The following OAS3 variants were observed in gnomAD, a reference collection of about 807,000 sequenced individuals.
The protein encoded by OAS3 is 2'-5'-oligoadenylate synthetase 3.
In OAS3, 107 loss-of-function variants were observed where a neutral mutation model predicts 113.0. The ratio of observed to expected loss-of-function variants is 0.95; its 90% CI spans 0.81 to 1.11. The LOEUF (loss-of-function observed/expected upper bound fraction) is 1.11, where lower values mean the gene tolerates loss of function less well. Ranked by LOEUF, OAS3 falls within the 50% of genes most tolerant of loss-of-function variation. The pLI, the probability that OAS3 is intolerant of heterozygous loss-of-function variation, is 0.00. For missense variants in OAS3, 1,258 were observed against 1,389.1 expected (o/e 0.91, Z 1.50); for synonymous variants, 552 against 573.6 (o/e 0.96, Z 0.54).
chr12:112,941,588 G>A lies in OAS3; in HGVS notation c.196G>A (p.Gly66Ser), dbSNP rs1565973431. 2 of 1,613,000 alleles carry A rather than the reference G, an allele frequency of 1.2e-6. No homozygotes were observed. Among genetic ancestry groups the A allele is most frequent in the Non-Finnish European group, 8.5e-7 (1 of 1,179,040 alleles). The change falls in exon 2 of 16, where the codon GGC (glycine) becomes AGC (serine). Residue 66 changes from glycine (G) to serine (S), a missense_variant. By Grantham distance (56) the Gly-to-Ser change is moderately conservative (BLOSUM62 0). Transcript: ENST00000228928. ...KTVKGGSSGR[G>S]TALKGGCDSE... ...TGCCCAGGGAGGCTCCTCGGGCCGG[G>A]GCACAGCTCTCAAGGGTGGCTGTGA...
intron 1 of OAS3, 37 bp downstream of exon 1, chr12:112,938,744 G>GGCAAAGT (rs2136340978): frequency 6.9e-7 from 1 of 1,450,758 alleles, no homozygotes; most frequent in Non-Finnish European, 9.1e-7. Flanking sequence ...GTGTCCAAAG[G>GGCAAAGT]GGAGTCCTGG....
Position 112,944,564 on chromosome 12 carries a change from C to T in OAS3, c.549C>T (p.Cys183=), listed in dbSNP as rs773826599. 81 of 1,614,072 alleles carry T rather than the reference C, an allele frequency of 5.0e-5. No homozygotes were observed. In the Admixed American group the frequency reaches 1.3e-3, roughly 27 times the overall value. Residue 183 remains cysteine (C), a synonymous_variant, in exon 3 of 16, where the codon TGC becomes TGT. Coordinates refer to ENST00000228928, the MANE Select transcript of OAS3 (RefSeq NM_006187.4). ...SGCQGGEHAA[C]FTELRRNFVN... is the part of the protein sequence containing the mutation. ...GCCAAGGGGGCGAGCATGCGGCCTG[C>T]TTCACAGAGCTGCGGAGGAACTTTG...
intron 11 of OAS3, 71 bp downstream of exon 11, chr12:112,964,479 C>T: frequency 2.7e-6 from 4 of 1,497,802 alleles, no homozygotes; most frequent in Admixed American, 2.0e-5. Flanking sequence ...CAGGGCCAGG[C>T]TTGACCCACT....
In OAS3 at chr12:112,963,554, G is replaced by T; in HGVS notation, c.2229+97G>T. 7.9e-7 allele frequency: 1 copy of T among 1,271,254 alleles called. No homozygotes were observed. Among genetic ancestry groups the T allele is most frequent in the Non-Finnish European group, 1.0e-6 (1 of 970,548 alleles). The allele number at this position is 1,271,254 out of a possible 1,614,324, so 78.7% of individuals were successfully genotyped here. On this transcript the variant is annotated intron_variant, in intron 10 of 15. Coordinates refer to ENST00000228928, the MANE Select transcript of OAS3 (RefSeq NM_006187.4). The surrounding 1 kb of genome is among the most constrained non-coding windows in gnomAD (Gnocchi z 4.6). ...GTGCACCCATCCCCAGCTGCTAGGA[G>T]TGTTGGTGGCTGACAACTCATAGCC...
Position 112,963,110 on chromosome 12 carries a change from T to C in OAS3, c.2085-203T>C, listed in dbSNP as rs1399806676. 6.6e-6 allele frequency among the ~76,000 whole-genome samples: 1 copy of C among 152,128 alleles called. No individual in the cohort carries two copies. Among genetic ancestry groups the C allele is most frequent in the Non-Finnish European group, 1.5e-5 (1 of 68,022 alleles). On this transcript the variant is annotated intron_variant, in intron 9 of 15. Transcript: ENST00000228928. The surrounding 1 kb of genome is among the most constrained non-coding windows in gnomAD (Gnocchi z 4.6). ...GGCCAGTTTTATTAGCATGATAAAA[T>C]AGTATTTCTCAGTTGAAGGGGCCAC... is the stretch of plus-strand genomic sequence containing the variant.
Position 112,954,294 on chromosome 12 carries a change from T to A in OAS3, c.1657+3319T>A, listed in dbSNP as rs1366829914. Among the ~76,000 whole-genome samples the A allele has an allele frequency of 6.6e-6, 1 of 152,066 alleles. No homozygotes were observed. Among genetic ancestry groups the A allele is most frequent in the African/African-American group, 2.4e-5 (1 of 41,406 alleles). ...TCTGTTTGTTTGTTTGTTGTTGTTG[T>A]TGTTGTTGTTGTTTGAGATGGAGTC... On this transcript the variant is annotated intron_variant, in intron 7 of 15. Transcript: ENST00000228928. This position sits in a 1 kb window ranked among gnomAD's most constrained non-coding sequence, Gnocchi z 4.0.
chr12:112,955,928 T>C (rs982060909), intron 7 of OAS3, among the ~76,000 whole-genome samples: 4 of 152,246 alleles, frequency 2.6e-5, no homozygotes, highest in African/African-American at 7.2e-5. Flanking sequence ...CTCCTCTTTG[T>C]ACCTCTGGTA....
rs1310319252 is a variant in OAS3 at position 112,970,346 on chromosome 12, C to T, written c.*373C>T. ...CCCATGCAAATTAGCTCACATCTTT[C>T]CTCCTGCTGCAATCCATCCCTTCCT... is the stretch of plus-strand genomic sequence containing the variant. On this transcript the variant is annotated 3_prime_UTR_variant, in exon 16 of 16. Coordinates refer to ENST00000228928, the MANE Select transcript of OAS3 (RefSeq NM_006187.4). 6.6e-6 allele frequency: 2 copies of T among 303,736 alleles called. No individual in the cohort carries two copies. The highest frequency in any genetic ancestry group is 1.5e-4 in the East Asian group (2 of 13,528). The allele number at this position is 303,736 out of a possible 1,614,324, so 18.8% of individuals were successfully genotyped here. A position where few individuals can be genotyped will look rare whatever the true frequency, so the allele number is the denominator to read the frequency against.
intron 7 of OAS3, among the ~76,000 whole-genome samples, chr12:112,958,285 C>A (rs1268071605): frequency 6.6e-6 from 1 of 152,258 alleles, no homozygotes; most frequent in African/African-American, 2.4e-5. Context: ...GTTTGAACAT[C>A]CTCCTTTAGC....
At position 112,949,045 on chromosome 12, in the gene OAS3, C is replaced by A. The variant is rs769764052; in HGVS notation, c.1214C>A (p.Ala405Asp). The change falls in exon 6 of 16, where the codon GCC becomes GAC. Residue 405 changes from alanine to aspartate, a missense_variant. Coordinates refer to ENST00000228928, the MANE Select transcript of OAS3 (RefSeq NM_006187.4). ...ATCGTCCCCTCTGTGCCGGGAATGG[C>A]CTTGGACCTGTCTCAGATCCCCACC... The part of the protein sequence containing the change: ...ASIVPSVPGM[A>D]LDLSQIPTKE... 9 of 1,613,952 alleles carry A rather than the reference C, an allele frequency of 5.6e-6. No individual in the cohort carries two copies. The highest frequency in any genetic ancestry group is 6.8e-6 in the Non-Finnish European group (8 of 1,179,912).
chr12:112,941,716 G>A lies in OAS3; in HGVS notation c.324G>A (p.Trp108Ter), dbSNP rs1352584924. ...AGATGCGGGCATCGCTGGAATCCTG[G>A]TGGCAGAACCCAGTCCCTGGTCTGA... Reference protein sequence around the residue: ...LSEMRASLESWWQNPVPGLRL... With the variant: ...LSEMRASLES Residue 108 changes from tryptophan (W) to a stop codon, truncating the protein, a stop_gained, in exon 2 of 16, where the codon TGG becomes TGA. Transcript: ENST00000228928. LOFTEE classifies it high-confidence loss of function. 3.1e-6 allele frequency: 5 copies of A among 1,614,040 alleles called. No individual in the cohort carries two copies. Among genetic ancestry groups the A allele is most frequent in the Non-Finnish European group, 4.2e-6 (5 of 1,179,898 alleles).
rs1264967492 is a variant in OAS3 at position 112,948,045 on chromosome 12, C to A, written c.975C>A (p.Asp325Glu). Residue 325 changes from aspartate to glutamate, a missense_variant, in exon 5 of 16, where the codon GAC becomes GAA. Coordinates refer to ENST00000228928, the MANE Select transcript of OAS3 (RefSeq NM_006187.4). ...LLAQEAASCY[D>E]HPCFLRGMGD... is the part of the protein sequence containing the mutation. ...CCCAGGAGGCAGCATCCTGCTATGA[C>A]CACCCATGCTTTCTGAGGGGGATGG... 6.3e-7 allele frequency: 1 copy of A among 1,591,728 alleles called. No individual in the cohort carries two copies. The highest frequency in any genetic ancestry group is 8.6e-7 in the Non-Finnish European group (1 of 1,168,572).
intron 14 of OAS3, chr12:112,969,405 C>A (rs1045473844): frequency 3.2e-6 from 2 of 615,542 alleles, no homozygotes; most frequent in Admixed American, 5.5e-5. Context: ...GTAATGTTTG[C>A]CTGAATGCAG....
At chr12:112,947,350 C>T (rs898513763) in intron 4 of OAS3, among the ~76,000 whole-genome samples, 1 of 152,182 alleles carries the variant, frequency 6.6e-6, no homozygotes, top group Non-Finnish European at 1.5e-5. Context: ...TCCAAAATAA[C>T]CCCACTTACA....
intron 1 of OAS3, among the ~76,000 whole-genome samples, chr12:112,940,323 T>C (rs1224015370): frequency 6.6e-6 from 1 of 152,148 alleles, no homozygotes; most frequent in Non-Finnish European, 1.5e-5. Context: ...GGGTCCCAGT[T>C]TGAGGCAAGC....
chr12:112,968,832 A>G (rs899992070), intron 14 of OAS3, among the ~76,000 whole-genome samples: 1 of 152,132 alleles, frequency 6.6e-6, no homozygotes, highest in Admixed American at 6.5e-5. Context: ...TGTATTTGTT[A>G]AATCTGACCA....
At chr12:112,960,452 T>C (rs1399666638) in intron 7 of OAS3, among the ~76,000 whole-genome samples, 3 of 152,152 alleles carry the variant, frequency 2.0e-5, no homozygotes, top group East Asian at 1.9e-4. Flanking sequence ...GCCAGCCTTA[T>C]GAAAGTGAAG....
chr12:112,958,107 C>T (rs1044585907), intron 7 of OAS3, among the ~76,000 whole-genome samples: 2 of 152,218 alleles, frequency 1.3e-5, no homozygotes, highest in Admixed American at 1.3e-4. Context: ...CACTGATACC[C>T]TTTCTTCCAC....
chr12:112,958,165 G>A lies in OAS3; in HGVS notation c.1658-2906G>A, dbSNP rs551413436. Among the ~76,000 whole-genome samples the A allele has an allele frequency of 6.6e-5, 10 of 152,274 alleles. No homozygotes were observed. In the East Asian group the frequency reaches 1.7e-3, roughly 26 times the overall value. ...CTTGTGCATGCATCACGTAGTTCTTGTGCCATGATTTTCAGCTCCATCAGG... is the reference window on the plus strand; with the variant it reads ...CTTGTGCATGCATCACGTAGTTCTTATGCCATGATTTTCAGCTCCATCAGG... On this transcript the variant is annotated intron_variant, in intron 7 of 15. Transcript: ENST00000228928.
Sources: allele counts gnomAD v4.1 joint callset (sites outside exome capture counted in the v4.1 genomes callset), GRCh38; gene constraint gnomAD v4.1.1; non-coding constraint Gnocchi (gnomAD v3.1); transcripts MANE v1.5; gene names NCBI Gene and HGNC (gene_info 2026-07-23, HGNC 2026-07-21).